The following CEP72 variants were observed in gnomAD, a reference collection of about 807,000 sequenced individuals.
The protein encoded by CEP72 is centrosomal protein 72.
A neutral mutation model predicts 65.7 loss-of-function variants in CEP72; 78 were observed. That is an observed-to-expected ratio of 1.19 (90% CI 0.99 to 1.43). The LOEUF is 1.43. Among genes scored for constraint, CEP72 ranks in the 40% most tolerant of loss-of-function variants. The probability of loss-of-function intolerance (pLI) is 0.00; values close to 1 mark genes in which losing one functional copy is unlikely to be tolerated. For missense variants in CEP72, 914 were observed against 832.9 expected, an observed-to-expected ratio of 1.10 and a Z score of -1.20; for synonymous variants, 358 against 351.7, an observed-to-expected ratio of 1.02 and a Z score of -0.20.
At chr5:647,572 AGG>A (rs1352096457) in intron 10 of CEP72, among the ~76,000 whole-genome samples, 2 of 152,160 alleles carry the variant, frequency 1.3e-5, no homozygotes, top group Non-Finnish European at 2.9e-5. Context: ...GGGCCTGTGG[AGG>A]GCAGACCACA....
chr5:640,599 G>T lies in CEP72; in HGVS notation c.1534G>T (p.Glu512Ter). The T allele has an allele frequency of 6.2e-7, 1 of 1,610,974 alleles. No individual in the cohort carries two copies. The highest frequency in any genetic ancestry group is 1.1e-5 in the South Asian group (1 of 90,982). ...GGCGGAGCTGCACCACACACACAAG[G>T]AGCTGGTGAGCCCGCCCTGGCGCTG... ...VTAELHHTHKELDDLRQHLDK... is the reference protein window; with the variant it reads ...VTAELHHTHK The change falls in exon 9 of 12, where the codon GAG (glutamate) becomes TAG (stop). Residue 512 changes from glutamate to a stop codon, truncating the protein, a stop_gained. Transcript: ENST00000264935. LOFTEE classifies it high-confidence loss of function.
chr5:614,290 A>G (rs931302292), intron 1 of CEP72, among the ~76,000 whole-genome samples: 1 of 151,900 alleles, frequency 6.6e-6, no homozygotes, highest in Non-Finnish European at 1.5e-5. Context: ...TATTGATTTG[A>G]GACTTTCCTA....
rs144152784 is a variant in CEP72 at position 665,270 on chromosome 5, C to T, written n.378C>T. 8.1e-6 allele frequency: 13 copies of T among 1,613,514 alleles called. No homozygotes were observed. In the East Asian group the frequency reaches 1.1e-4, roughly 14 times the overall value. ...TGAACTTGGTGGTGTCCGTGAGCCTCGACACTGTGGGCGACGAGATGGCTT... is the reference window on the plus strand; with the variant it reads ...TGAACTTGGTGGTGTCCGTGAGCCTTGACACTGTGGGCGACGAGATGGCTT... On this transcript the variant is annotated non_coding_transcript_exon_variant, in exon 3 of 5. Coordinates refer to the CEP72 transcript ENST00000514507.
rs1737410162 is a variant in CEP72, at chr5:633,955, G to C, written c.691+8G>C. ...ACTCTCGTGGTTCCCAAGGTGCGCTGCTCATCTGCCAGGAGGCCAGTGGGT... is the reference window on the plus strand; with the variant it reads ...ACTCTCGTGGTTCCCAAGGTGCGCTCCTCATCTGCCAGGAGGCCAGTGGGT... On this transcript the variant is annotated splice_region_variant and intron_variant, in intron 5 of 11. Transcript: ENST00000264935. 1 of 1,609,846 alleles carries C rather than the reference G, an allele frequency of 6.2e-7. No homozygotes were observed. The highest frequency in any genetic ancestry group is 8.5e-7 in the Non-Finnish European group (1 of 1,179,620).
Position 653,056 on chromosome 5 carries a change from A to G in CEP72, c.1847A>G (p.Glu616Gly). 6.2e-7 allele frequency: 1 copy of G among 1,613,928 alleles called. No individual in the cohort carries two copies. The highest frequency in any genetic ancestry group is 1.3e-5 in the African/African-American group (1 of 75,062). ...CAGGTGCGGGCGCAGCACAGAGCCGAGGTGGAGCAGATGCACTGGAGCTAC... is the reference window on the plus strand; with the variant it reads ...CAGGTGCGGGCGCAGCACAGAGCCGGGGTGGAGCAGATGCACTGGAGCTAC... ...LSQVRAQHRA[E>G]VEQMHWSYQE... The change falls in exon 12 of 12, where the codon GAG becomes GGG. Residue 616 changes from glutamate to glycine, a missense_variant. Physicochemically the swap from Glu to Gly is moderately conservative, Grantham distance 98 (BLOSUM62 -2). Coordinates refer to ENST00000264935, the MANE Select transcript of CEP72 (RefSeq NM_018140.4).
chr5:654,073 T>G (rs1026078279), downstream of CEP72, among the ~76,000 whole-genome samples: 5 of 132,502 alleles, frequency 3.8e-5, no homozygotes, highest in East Asian at 1.5e-3. Flanking sequence ...GTGCTGTGTG[T>G]GCGCCTAGTG....
intron 9 of CEP72, chr5:641,677 C>T (rs1738038904): frequency 1.0e-6 from 1 of 984,930 alleles, no homozygotes; most frequent in Non-Finnish European, 1.2e-6. Flanking sequence ...TGTATTTAAA[C>T]ACACGTGGGT....
chr5:649,254 A>C, intron 11 of CEP72, among the ~76,000 whole-genome samples: 1 of 72,558 alleles, frequency 1.4e-5, no homozygotes, highest in Non-Finnish European at 2.5e-5. Flanking sequence ...TGAGGTGTGG[A>C]CTGTGAGGTG....
chr5:624,667 G>C lies in CEP72; in HGVS notation c.512+88G>C. Reference sequence around the variant, plus strand: ...AACCGAACGTCATTCACTGTGTGCCGGTCACTCTCCAGGGGCGGACACCAG... The same window carrying C: ...AACCGAACGTCATTCACTGTGTGCCCGTCACTCTCCAGGGGCGGACACCAG... On this transcript the variant is annotated intron_variant, in intron 4 of 11. Transcript: ENST00000264935. This position sits in a 1 kb window ranked among gnomAD's most constrained non-coding sequence, Gnocchi z 4.7. The C allele has an allele frequency of 1.0e-6, 1 of 980,576 alleles. No homozygotes were observed. The highest frequency in any genetic ancestry group is 1.6e-6 in the Non-Finnish European group (1 of 616,506). 60.7% of individuals were successfully genotyped at this position (980,576 alleles called of 1,614,324 possible).
At chr5:631,895 T>A (rs868639643) in intron 4 of CEP72, among the ~76,000 whole-genome samples, 1 of 42,692 alleles carries the variant, frequency 2.3e-5, no homozygotes, top group Non-Finnish European at 4.8e-5. Context: ...CTGGTGGGGT[T>A]CTGTCCAGTG....
chr5:639,368 G>GGAGGGCCCAGGC, intron 8 of CEP72, 144 bp downstream of exon 8: 1 of 895,674 alleles, frequency 1.1e-6, no homozygotes, highest in Non-Finnish European at 1.6e-6. Flanking sequence ...CCCGCGCCTG[G>GGAGGGCCCAGGC]GCCCTCCCTG....
chr5:621,264 GAATCAC>G (rs1465667553), intron 3 of CEP72, among the ~76,000 whole-genome samples: 1 of 152,166 alleles, frequency 6.6e-6, no homozygotes, highest in Non-Finnish European at 1.5e-5. Flanking sequence ...AAAAACAAAA[GAATCAC>G]AGAATCCCAA....
At chr5:627,121 G>A (rs1017064987) in intron 4 of CEP72, among the ~76,000 whole-genome samples, 2 of 152,160 alleles carry the variant, frequency 1.3e-5, no homozygotes, top group African/African-American at 2.4e-5. Flanking sequence ...GAGCCCATCT[G>A]GCCTGGTACT....
In CEP72 at chr5:637,514, C is replaced by CA; in HGVS notation, c.905-2dup. 6.2e-7 allele frequency: 1 copy of CA among 1,610,810 alleles called. No homozygotes were observed. The highest frequency in any genetic ancestry group is 8.5e-7 in the Non-Finnish European group (1 of 1,177,974). On this transcript the variant is annotated splice_polypyrimidine_tract_variant and splice_region_variant and intron_variant, in intron 6 of 11. Coordinates refer to ENST00000264935, the MANE Select transcript of CEP72 (RefSeq NM_018140.4). ...CGTGCGCCCCATCCTCTCTATATCT[C>CA]AGACTCCATGGATACCGAGGACTCG...
At chr5:628,616 CG>C (rs1561037144) in intron 4 of CEP72, among the ~76,000 whole-genome samples, 57 of 14,990 alleles carry the variant, frequency 3.8e-3, no homozygotes, top group East Asian at 7.3e-3. Flanking sequence ...GAACTCAGGT[CG>C]CAGTCCCCGG....
intron 4 of CEP72, among the ~76,000 whole-genome samples, chr5:628,126 A>G (rs961380867): frequency 2.0e-5 from 3 of 152,242 alleles, no homozygotes; most frequent in Non-Finnish European, 4.4e-5. Flanking sequence ...AGGGTTAGTG[A>G]TTGACACGCC....
chr5:664,993 G>T, intron 2 of CEP72: 7 of 1,364,320 alleles, frequency 5.1e-6, no homozygotes, highest in Non-Finnish European at 7.0e-6. Flanking sequence ...CCCCCTCTGG[G>T]GCACCCGTCT....
At chr5:636,868 T>C (rs547506760) in intron 6 of CEP72, among the ~76,000 whole-genome samples, 53 of 151,354 alleles carry the variant, frequency 3.5e-4, no homozygotes, top group African/African-American at 1.3e-3. Context: ...TGGCGCCTCC[T>C]GGAAGCTTGC....
intron 1 of CEP72, among the ~76,000 whole-genome samples, chr5:614,489 C>T (rs2126723450): frequency 6.8e-6 from 1 of 146,972 alleles, no homozygotes; most frequent in East Asian, 2.0e-4. Context: ...CGCTCTGTCA[C>T]CCAGGCTGGA....
Sources: allele counts gnomAD v4.1 joint callset (sites outside exome capture counted in the v4.1 genomes callset), GRCh38; gene constraint gnomAD v4.1.1; non-coding constraint Gnocchi (gnomAD v3.1); transcripts MANE v1.5; gene names NCBI Gene and HGNC (gene_info 2026-07-23, HGNC 2026-07-21).